The following IHO1 variants were observed in gnomAD, a reference collection of about 807,000 sequenced individuals.
The protein encoded by IHO1 is interactor of HORMAD1 1, also known as interactor of HORMAD1 protein 1.
In IHO1, 13 loss-of-function variants were observed where a neutral mutation model predicts 31.0. The ratio of observed to expected loss-of-function variants is 0.42; its 90% CI spans 0.27 to 0.67. The LOEUF is 0.67. IHO1 is among the 30% of genes least tolerant of loss of function. The pLI is 0.24. For synonymous variants in IHO1, 221 were observed against 248.4 expected (o/e 0.89, Z 1.04); for missense variants, 599 against 687.5 (o/e 0.87, Z 1.44).
intron 4 of IHO1, among the ~76,000 whole-genome samples, chr3:49,242,713 G>C (rs2046645798): frequency 6.6e-6 from 1 of 152,036 alleles, no homozygotes; most frequent in Admixed American, 6.6e-5. Flanking sequence ...GCTGAGACAG[G>C]AGAATCACTT....
rs2046840070 is a variant in IHO1, at chr3:49,257,477, T to G, written c.*195T>G. The G allele has an allele frequency of 1.7e-6, 1 of 584,612 alleles. No individual in the cohort carries two copies. The highest frequency in any genetic ancestry group is 3.0e-6 in the Non-Finnish European group (1 of 329,866). The allele number at this position is 584,612 out of a possible 1,614,324, so 36.2% of individuals were successfully genotyped here. The stretch of plus-strand genomic sequence containing the variant: ...GGTGCTGCCCCTGACAAGGATTAAG[T>G]GCATCCTTATTTATTGGAATGAAAT... On this transcript the variant is annotated 3_prime_UTR_variant, in exon 8 of 8. Transcript: ENST00000452691.
At chr3:49,240,371 C>T (rs2107725033) in intron 3 of IHO1, among the ~76,000 whole-genome samples, 1 of 152,304 alleles carries the variant, frequency 6.6e-6, no homozygotes, top group East Asian at 1.9e-4. Flanking sequence ...TTACAGGCGC[C>T]TGCCAGCATG....
intron 1 of IHO1, among the ~76,000 whole-genome samples, chr3:49,202,832 C>T (rs1371610046): frequency 2.7e-5 from 4 of 150,774 alleles, no homozygotes; most frequent in East Asian, 3.9e-4. Context: ...TGGACTACCA[C>T]GTCCAGCTAA....
upstream of IHO1, among the ~76,000 whole-genome samples, chr3:49,196,971 C>T (rs1245119738): frequency 1.6e-5 from 2 of 128,966 alleles, no homozygotes; most frequent in Admixed American, 8.5e-5. Context: ...CGCCAGGCCA[C>T]GTTTTTACTT....
At chr3:49,196,228 C>CAA (rs1210658279), upstream of IHO1, among the ~76,000 whole-genome samples, 13 of 43,606 alleles carry the variant, frequency 3.0e-4, no homozygotes, top group African/African-American at 6.5e-4. Flanking sequence ...GACTCCGTCA[C>CAA]AAAAAAAAAA....
intron 7 of IHO1, 65 bp downstream of exon 7, chr3:49,255,558 CTTTTTTTT>C: frequency 8.5e-6 from 3 of 354,424 alleles, no homozygotes; most frequent in Admixed American, 7.3e-5. Flanking sequence ...CAGAGAGAAA[CTTTTTTTT>C]TTTTTTTTTT....
intron 6 of IHO1, among the ~76,000 whole-genome samples, chr3:49,251,311 G>T (rs1489495621): frequency 6.8e-6 from 1 of 147,900 alleles, no homozygotes; most frequent in Admixed American, 6.7e-5. Context: ...TTTTGAGGTG[G>T]AGTCTCTCTC....
chr3:49,239,749 G>T (rs1203828422), intron 3 of IHO1, among the ~76,000 whole-genome samples: 1 of 150,384 alleles, frequency 6.6e-6, no homozygotes, highest in African/African-American at 2.5e-5. Flanking sequence ...CACAACCTCT[G>T]CCTTCCAGGT....
intron 2 of IHO1, among the ~76,000 whole-genome samples, chr3:49,235,236 T>TC (rs1183767751): frequency 6.6e-6 from 1 of 150,818 alleles, no homozygotes; most frequent in East Asian, 1.9e-4. Flanking sequence ...TAAATCTTTT[T>TC]TTTTTTTTTT....
intron 2 of IHO1, among the ~76,000 whole-genome samples, chr3:49,235,939 A>AG (rs2046554510): frequency 6.7e-6 from 1 of 149,854 alleles, no homozygotes; most frequent in African/African-American, 2.5e-5. Context: ...CAAAAAAAAA[A>AG]AAAAAAAGAT....
chr3:49,211,716 A>G, intron 1 of IHO1, 50 bp from the exon 2 acceptor site: 1 of 896,192 alleles, frequency 1.1e-6, no homozygotes, highest in East Asian at 2.6e-5. Flanking sequence ...TAATCTTTGG[A>G]AAAAATTATA....
At chr3:49,204,443 A>C (rs960446215) in intron 1 of IHO1, among the ~76,000 whole-genome samples, 18 of 152,146 alleles carry the variant, frequency 1.2e-4, no homozygotes, top group African/African-American at 4.1e-4. Context: ...CAGAGGGACA[A>C]CTGTAGTTCC....
the IHO1 span, among the ~76,000 whole-genome samples, chr3:49,192,097 C>T: frequency 1.3e-5 from 2 of 152,110 alleles, no homozygotes; most frequent in Non-Finnish European, 2.9e-5. Flanking sequence ...TAAATGCAGG[C>T]AAATCCTGCA....
At chr3:49,234,162 G>GTTTTT (rs56802492) in intron 2 of IHO1, among the ~76,000 whole-genome samples, 79 of 91,832 alleles carry the variant, frequency 8.6e-4, no homozygotes, top group East Asian at 1.9e-3. Flanking sequence ...TTTTGTTGTT[G>GTTTTT]TTTTTTTTTT....
intron 1 of IHO1, among the ~76,000 whole-genome samples, chr3:49,210,015 C>T (rs1575565784): frequency 6.7e-6 from 1 of 149,952 alleles, no homozygotes; most frequent in Non-Finnish European, 1.5e-5. Context: ...CGCACCCAGC[C>T]TCTTTCTTTC....
intron 1 of IHO1, among the ~76,000 whole-genome samples, chr3:49,204,731 A>C (rs574530330): frequency 1.3e-5 from 2 of 152,286 alleles, no homozygotes; most frequent in South Asian, 4.1e-4. Flanking sequence ...TTATTAAGAA[A>C]GTAAAGAACT....
intron 3 of IHO1, among the ~76,000 whole-genome samples, chr3:49,238,827 A>T (rs1300578428): frequency 6.6e-6 from 1 of 152,132 alleles, no homozygotes; most frequent in South Asian, 2.1e-4. Context: ...GGGAGGGGGA[A>T]GTTGGGAAAA....
chr3:49,216,141 G>C (rs1489726714), intron 2 of IHO1, among the ~76,000 whole-genome samples: 1 of 152,200 alleles, frequency 6.6e-6, no homozygotes, highest in Non-Finnish European at 1.5e-5. Context: ...TTGTGTATGT[G>C]TTTTAATGCA....
chr3:49,244,582 A>C (rs545878322), intron 5 of IHO1, 64 bp from the exon 6 acceptor site: 1 of 1,465,370 alleles, frequency 6.8e-7, no homozygotes, highest in East Asian at 2.3e-5. Context: ...TGAAATGACA[A>C]TTCTCTAAGA....
Sources: allele counts gnomAD v4.1 joint callset (sites outside exome capture counted in the v4.1 genomes callset), GRCh38; gene constraint gnomAD v4.1.1; transcripts MANE v1.5; gene names NCBI Gene and HGNC (gene_info 2026-07-23, HGNC 2026-07-21).